EXPH5: variants seen among roughly 807,000 people sequenced by gnomAD.
The protein encoded by EXPH5 is exophilin-5.
EXPH5 carries 42 observed loss-of-function variants against 41.1 expected under a neutral mutation model. That is an observed-to-expected ratio of 1.02 (90% CI 0.80 to 1.32). The LOEUF (loss-of-function observed/expected upper bound fraction) is 1.32. EXPH5 is among the 40% of genes most tolerant of loss of function. The probability of loss-of-function intolerance (pLI) is 0.00; values close to 1 mark genes in which losing one functional copy is unlikely to be tolerated. For missense variants in EXPH5, 2,298 were observed against 2,314.5 expected, an observed-to-expected ratio of 0.99 and a Z score of 0.15; for synonymous variants, 798 against 833.5, an observed-to-expected ratio of 0.96 and a Z score of 0.73.
At chr11:108,523,794 C>T (rs1855987184) in intron 4 of EXPH5, among the ~76,000 whole-genome samples, 1 of 152,152 alleles carries the variant, frequency 6.6e-6, no homozygotes, top group African/African-American at 2.4e-5. Context: ...ATCGCTTAAG[C>T]CCTGGGGGCA....
At chr11:108,587,370 G>T (rs1041794057) in intron 1 of EXPH5, among the ~76,000 whole-genome samples, 1 of 152,106 alleles carries the variant, frequency 6.6e-6, no homozygotes, top group East Asian at 1.9e-4. Context: ...ACTTTCTTTC[G>T]CCCTTCACCT....
rs1322681367 is a variant in EXPH5, at chr11:108,511,113, T to C, written c.4394A>G (p.Lys1465Arg). Residue 1465 changes from lysine to arginine, a missense_variant, in exon 6 of 6, where the codon AAA becomes AGA. Transcript: ENST00000265843. Reference sequence around the variant, plus strand: ...ACCTACAGCTGTGGATGTGTGATCTTTCTGGGGACACTTGCCACTTCCAGT... The same window carrying C: ...ACCTACAGCTGTGGATGTGTGATCTCTCTGGGGACACTTGCCACTTCCAGT... ...PFTGSGKCPQ[K>R]DHTSTAVGDG... The C allele has an allele frequency of 6.2e-7, 1 of 1,613,956 alleles. No individual in the cohort carries two copies. The highest frequency in any genetic ancestry group is 8.5e-7 in the Non-Finnish European group (1 of 1,179,968).
intron 3 of EXPH5, among the ~76,000 whole-genome samples, chr11:108,536,359 A>G (rs1043433871): frequency 1.3e-5 from 2 of 149,976 alleles, no homozygotes; most frequent in Admixed American, 1.3e-4. Flanking sequence ...TCCACCTCCC[A>G]GGCTCAAGTG....
At chr11:108,538,686 T>C (rs1456248225) in intron 3 of EXPH5, among the ~76,000 whole-genome samples, 4 of 152,214 alleles carry the variant, frequency 2.6e-5, no homozygotes, top group Non-Finnish European at 5.9e-5. Flanking sequence ...AAGGAGTAGT[T>C]TTTATTTAAA....
intron 1 of EXPH5, among the ~76,000 whole-genome samples, chr11:108,590,809 G>C (rs2094125720): frequency 6.6e-6 from 1 of 152,116 alleles, no homozygotes; most frequent in African/African-American, 2.4e-5. Flanking sequence ...ACAATATCAG[G>C]CTAAATTTAT....
chr11:108,579,635 C>G (rs1331569292), intron 1 of EXPH5, among the ~76,000 whole-genome samples: 5 of 151,960 alleles, frequency 3.3e-5, no homozygotes, highest in Non-Finnish European at 7.4e-5. Flanking sequence ...GCCATAGAAC[C>G]TGGTCACAAG....
chr11:108,594,935 G>A (rs1318155088), upstream of EXPH5, among the ~76,000 whole-genome samples: 1 of 152,206 alleles, frequency 6.6e-6, no homozygotes, highest in Non-Finnish European at 1.5e-5. Flanking sequence ...TTATTTGTGT[G>A]AACCAGGAAC....
rs565879372 is a variant in EXPH5, at chr11:108,508,501, C to G, written c.*1036G>C. On this transcript the variant is annotated 3_prime_UTR_variant, in exon 6 of 6. Transcript: ENST00000265843. ...CAGCCTGGGTGACAGAGCAAAACTC[C>G]GTCTCCAAAAAACAAAAACAAAACA... The G allele has an allele frequency of 6.6e-6, 1 of 152,236 alleles. No individual in the cohort carries two copies. Among genetic ancestry groups the G allele is most frequent in the Admixed American group, 6.5e-5 (1 of 15,270 alleles). The allele number at this position is 152,236 out of a possible 1,614,324, so 9.4% of individuals were successfully genotyped here. A position where few individuals can be genotyped will look rare whatever the true frequency, so the allele number is the denominator to read the frequency against.
rs1233198714 is a variant in EXPH5, at chr11:108,508,842, T to G, written c.*695A>C. 6.6e-6 allele frequency: 1 copy of G among 152,262 alleles called. No individual in the cohort carries two copies. The highest frequency in any genetic ancestry group is 1.5e-5 in the Non-Finnish European group (1 of 68,054). The allele number at this position is 152,262 out of a possible 1,614,324, so 9.4% of individuals were successfully genotyped here. The stretch of plus-strand genomic sequence containing the variant: ...AACCTTCTATTGGCTTACTAGGGAT[T>G]CAGGTCCTAATCTATAACCTCAACA... On this transcript the variant is annotated 3_prime_UTR_variant, in exon 6 of 6. Transcript: ENST00000265843.
intron 1 of EXPH5, among the ~76,000 whole-genome samples, chr11:108,556,592 C>G (rs1338365358): frequency 6.6e-6 from 1 of 152,184 alleles, no homozygotes; most frequent in Non-Finnish European, 1.5e-5. Context: ...CCTGCCTCAG[C>G]CTCCCGAGTA....
chr11:108,549,017 C>T (rs112030738), intron 1 of EXPH5, among the ~76,000 whole-genome samples: 101 of 152,342 alleles, frequency 6.6e-4, no homozygotes, highest in African/African-American at 2.3e-3. Context: ...AACGCTCTTC[C>T]TCTTCCATGT....
At chr11:108,545,593 TG>T (rs1000224539) in intron 1 of EXPH5, among the ~76,000 whole-genome samples, 1 of 151,570 alleles carries the variant, frequency 6.6e-6, no homozygotes, top group Non-Finnish European at 1.5e-5. Context: ...GGAGTGTGTG[TG>T]GGGGGGAAAC....
At chr11:108,568,872 T>A (rs2094047120) in intron 1 of EXPH5, among the ~76,000 whole-genome samples, 1 of 152,050 alleles carries the variant, frequency 6.6e-6, no homozygotes, top group Non-Finnish European at 1.5e-5. Flanking sequence ...CTAAACACAA[T>A]TCTTCCCTAA....
At chr11:108,576,134 T>C (rs1477229895) in intron 1 of EXPH5, among the ~76,000 whole-genome samples, 2 of 152,174 alleles carry the variant, frequency 1.3e-5, no homozygotes, top group Admixed American at 6.5e-5. Flanking sequence ...CAATTGTTCA[T>C]AGCAGCATTA....
chr11:108,521,932 A>C (rs1202943998), intron 4 of EXPH5, among the ~76,000 whole-genome samples: 1 of 152,222 alleles, frequency 6.6e-6, no homozygotes, highest in Non-Finnish European at 1.5e-5. Flanking sequence ...ATATACAGTG[A>C]AATGAAAAGT....
rs538985946 is a variant in EXPH5, at chr11:108,523,565, C to T, written c.492+4571G>A. Among the ~76,000 whole-genome samples the T allele has an allele frequency of 1.0e-3, 154 of 152,206 alleles. 2 individuals carry two copies. In the Middle Eastern group the frequency reaches 0.031, roughly 30 times the overall value. On this transcript the variant is annotated intron_variant, in intron 4 of 5. Transcript: ENST00000265843. ...TAGTTATGAATTGATTTATGATATACCAAGGTGGAAAACTAACTATATAAG... is the reference window on the plus strand; with the variant it reads ...TAGTTATGAATTGATTTATGATATATCAAGGTGGAAAACTAACTATATAAG...
At chr11:108,543,027 T>C (rs571452981) in intron 1 of EXPH5, among the ~76,000 whole-genome samples, 7 of 152,130 alleles carry the variant, frequency 4.6e-5, no homozygotes, top group African/African-American at 1.4e-4. Context: ...CAGAATATAA[T>C]GGTCTTAGAT....
chr11:108,523,264 T>C (rs2093776897), intron 4 of EXPH5, among the ~76,000 whole-genome samples: 1 of 152,164 alleles, frequency 6.6e-6, no homozygotes, highest in South Asian at 2.1e-4. Context: ...ATAACAAATT[T>C]GTGAATTAAG....
intron 4 of EXPH5, among the ~76,000 whole-genome samples, chr11:108,520,296 C>T (rs939538279): frequency 1.3e-5 from 2 of 152,136 alleles, no homozygotes; most frequent in African/African-American, 4.8e-5. Context: ...ATTCCCAAAC[C>T]ATCCACCACC....
Sources: allele counts gnomAD v4.1 joint callset (sites outside exome capture counted in the v4.1 genomes callset), GRCh38; gene constraint gnomAD v4.1.1; transcripts MANE v1.5; gene names NCBI Gene and HGNC (gene_info 2026-07-23, HGNC 2026-07-21).